PLA2R1: variants seen among roughly 807,000 people sequenced by gnomAD.
PLA2R1 encodes secretory phospholipase A2 receptor.
A neutral mutation model predicts 195.9 loss-of-function variants in PLA2R1; 158 were observed. The ratio of observed to expected loss-of-function variants is 0.81; its 90% CI spans 0.71 to 0.92. PLA2R1 has a LOEUF of 0.92. Among genes scored for constraint, PLA2R1 ranks in the 40% least tolerant of loss-of-function variants. The pLI, the probability that PLA2R1 is intolerant of heterozygous loss-of-function variation, is 0.00. For missense variants in PLA2R1, 1,626 were observed against 1,764.6 expected, an observed-to-expected ratio of 0.92 and a Z score of 1.41; for synonymous variants, 586 against 598.2, an observed-to-expected ratio of 0.98 and a Z score of 0.30.
At chr2:159,970,483 G>T (rs2105242341) in intron 17 of PLA2R1, among the ~76,000 whole-genome samples, 1 of 152,110 alleles carries the variant, frequency 6.6e-6, no homozygotes, top group African/African-American at 2.4e-5. Flanking sequence ...CTCTAAGAAG[G>T]TTTTAAAAAG....
At chr2:160,029,065 A>T in intron 4 of PLA2R1, 102 bp from the exon 5 acceptor site, 1 of 694,254 alleles carries the variant, frequency 1.4e-6, no homozygotes, top group Non-Finnish European at 2.6e-6. Flanking sequence ...ATTCCAGTCA[A>T]TGACGGGAAA....
At chr2:160,040,153 A>T (rs927257081) in intron 3 of PLA2R1, among the ~76,000 whole-genome samples, 3 of 151,826 alleles carry the variant, frequency 2.0e-5, no homozygotes, top group Non-Finnish European at 4.4e-5. Flanking sequence ...ACATGCATAC[A>T]CACCTACATG....
intron 29 of PLA2R1, 36 bp downstream of exon 29, chr2:159,942,091 G>T: frequency 6.2e-7 from 1 of 1,600,770 alleles, no homozygotes; most frequent in South Asian, 1.1e-5. Context: ...TTATTTCTAA[G>T]AAAAATCAAA....
chr2:160,021,577 G>A (rs1490294324), intron 7 of PLA2R1, among the ~76,000 whole-genome samples: 3 of 152,134 alleles, frequency 2.0e-5, no homozygotes, highest in Admixed American at 6.5e-5. Context: ...GCTAAACAAT[G>A]GGGACACATG....
At chr2:159,981,022 T>A (rs1433298409) in intron 13 of PLA2R1, among the ~76,000 whole-genome samples, 4 of 152,160 alleles carry the variant, frequency 2.6e-5, no homozygotes, top group Non-Finnish European at 5.9e-5. Context: ...GCCAAGCACA[T>A]TAATCTCGAT....
At chr2:159,930,278 C>G (rs539878942), downstream of PLA2R1, among the ~76,000 whole-genome samples, 39 of 152,156 alleles carry the variant, frequency 2.6e-4, no homozygotes, top group South Asian at 3.5e-3. Context: ...CATGGTGGCA[C>G]GCGCCTGTAG....
intron 1 of PLA2R1, among the ~76,000 whole-genome samples, chr2:160,053,367 T>G (rs1297454207): frequency 6.7e-6 from 1 of 150,354 alleles, no homozygotes; most frequent in Non-Finnish European, 1.5e-5. Flanking sequence ...GGGGAACAAT[T>G]CAGATCATAA....
In PLA2R1 at chr2:160,005,641, A is replaced by G. The variant is rs112664558; in HGVS notation, c.1834+11T>C. 6.2e-7 allele frequency: 1 copy of G among 1,608,992 alleles called. No individual in the cohort carries two copies. The highest frequency in any genetic ancestry group is 1.1e-5 in the South Asian group (1 of 90,674). ...ACAGGGAGGGTTGGTGATGCAGCACACTCTACTCACGCGGCTGGTGTGTGT... is the reference window on the plus strand; with the variant it reads ...ACAGGGAGGGTTGGTGATGCAGCACGCTCTACTCACGCGGCTGGTGTGTGT... On this transcript the variant is annotated intron_variant, in intron 11 of 29. Transcript: ENST00000283243.
chr2:160,048,617 G>A (rs1200249446), intron 1 of PLA2R1, among the ~76,000 whole-genome samples: 1 of 152,116 alleles, frequency 6.6e-6, no homozygotes, highest in Non-Finnish European at 1.5e-5. Flanking sequence ...CCAATCCTTA[G>A]TGTGCATAGT....
chr2:160,023,631 G>C lies in PLA2R1; in HGVS notation c.1100-772C>G, dbSNP rs532277174. ...GCTGAGCAGCCCAAGCTGCTGCTCT[G>C]CCTATGGAGTAGCCATTCTTTATTC... On this transcript the variant is annotated intron_variant, in intron 6 of 29. Coordinates refer to ENST00000283243, the MANE Select transcript of PLA2R1 (RefSeq NM_007366.5). Among the ~76,000 whole-genome samples the C allele has an allele frequency of 2.8e-4, 42 of 152,338 alleles. No homozygotes were observed. The East Asian group carries it at 6.0e-3, about 22-fold the overall frequency.
At chr2:159,983,548 G>A (rs879763547) in intron 13 of PLA2R1, among the ~76,000 whole-genome samples, 2 of 151,622 alleles carry the variant, frequency 1.3e-5, no homozygotes, top group Non-Finnish European at 2.9e-5. Context: ...CTGGTGAGGC[G>A]TGGAAGGAAC....
chr2:159,981,781 CT>C (rs1574726970), intron 13 of PLA2R1, among the ~76,000 whole-genome samples: 1 of 152,082 alleles, frequency 6.6e-6, no homozygotes, highest in Non-Finnish European at 1.5e-5. Flanking sequence ...ACAATCATAC[CT>C]CACTGTAACT....
At chr2:159,992,768 T>C (rs900177404) in intron 11 of PLA2R1, among the ~76,000 whole-genome samples, 2 of 152,166 alleles carry the variant, frequency 1.3e-5, no homozygotes, top group African/African-American at 4.8e-5. Context: ...CAAACTATAC[T>C]ACAGGGCACT....
At chr2:160,007,379 C>G (rs1431840091) in intron 10 of PLA2R1, among the ~76,000 whole-genome samples, 1 of 152,182 alleles carries the variant, frequency 6.6e-6, no homozygotes, top group Non-Finnish European at 1.5e-5. Flanking sequence ...ACAAGCATTT[C>G]TGTTTTCATG....
chr2:159,946,679 T>C, intron 27 of PLA2R1, 122 bp downstream of exon 27: 2 of 1,439,578 alleles, frequency 1.4e-6, no homozygotes, highest in Non-Finnish European at 1.8e-6. Context: ...GGCTTTAGGC[T>C]TCATGCTATT....
At chr2:159,990,448 A>C (rs1365542326) in intron 11 of PLA2R1, among the ~76,000 whole-genome samples, 1 of 152,170 alleles carries the variant, frequency 6.6e-6, no homozygotes, top group Non-Finnish European at 1.5e-5. Context: ...CTCCCTGTTC[A>C]AATACCTAAA....
At position 159,949,782 on chromosome 2, in the gene PLA2R1, G is replaced by A. The variant is rs1427019899; in HGVS notation, c.3541-6C>T. 1.2e-6 allele frequency: 2 copies of A among 1,611,266 alleles called. No individual in the cohort carries two copies. Among genetic ancestry groups the A allele is most frequent in the Non-Finnish European group, 1.7e-6 (2 of 1,177,822 alleles). On this transcript the variant is annotated splice_region_variant and splice_polypyrimidine_tract_variant and intron_variant, in intron 24 of 29. Transcript: ENST00000283243. Reference sequence around the variant, plus strand: ...CAGTCAAAATTAAGACCATTCTGTGGAGGAAAACTGAGCCATCATTTCCTT... The same window carrying A: ...CAGTCAAAATTAAGACCATTCTGTGAAGGAAAACTGAGCCATCATTTCCTT...
chr2:159,942,141 G>A lies in PLA2R1; in HGVS notation c.4163C>T (p.Ala1388Val), dbSNP rs761364386. 5.6e-6 allele frequency: 9 copies of A among 1,610,064 alleles called. No homozygotes were observed. The highest frequency in any genetic ancestry group is 3.3e-5 in the South Asian group (3 of 90,684). Residue 1388 changes from alanine (A) to valine (V), a missense_variant, in exon 29 of 30, where the codon GCG becomes GTG. Coordinates refer to ENST00000283243, the MANE Select transcript of PLA2R1 (RefSeq NM_007366.5). ...TTCAAACGTACCTTTTTCTGGCAGC[G>A]CCTCTGCAGTGTGAATATCTAAAAT... is the stretch of plus-strand genomic sequence containing the variant. ...KMEADIHTAE[A>V]LPEKGPSHSI...
rs1054146931 is a variant in PLA2R1 at position 159,955,183 on chromosome 2, C to G, written c.3301+16G>C. 1.3e-6 allele frequency: 2 copies of G among 1,591,544 alleles called. No individual in the cohort carries two copies. Among genetic ancestry groups the G allele is most frequent in the Non-Finnish European group, 1.7e-6 (2 of 1,166,750 alleles). On this transcript the variant is annotated intron_variant, in intron 23 of 29. Coordinates refer to ENST00000283243, the MANE Select transcript of PLA2R1 (RefSeq NM_007366.5). The stretch of plus-strand genomic sequence containing the variant: ...ACTTTGGAAATGAAAGGAATAAAAA[C>G]CCAAATATTTCTTACCTTGCATTTT...
Sources: gnomAD v4.1 joint callset for allele counts (sites outside exome capture counted in the v4.1 genomes callset) on GRCh38, gnomAD v4.1.1 for gene constraint, MANE v1.5 for transcripts, NCBI Gene and HGNC (gene_info 2026-07-23, HGNC 2026-07-21) for gene names.